Variants in BACH2 observed in about 807,000 individuals in gnomAD.
The protein encoded by BACH2 is transcription regulator protein BACH2.
A neutral mutation model predicts 61.8 loss-of-function variants in BACH2; 5 were observed. That is an observed-to-expected ratio of 0.08 (90% CI 0.04 to 0.17). BACH2 has a LOEUF of 0.17. BACH2 is among the 10% of genes least tolerant of loss of function. The probability of loss-of-function intolerance (pLI) is 1.00; values close to 1 mark genes in which losing one functional copy is unlikely to be tolerated. For missense variants in BACH2, 824 were observed against 1,091.1 expected, an observed-to-expected ratio of 0.76 and a Z score of 3.45; for synonymous variants, 446 against 440.1, an observed-to-expected ratio of 1.01 and a Z score of -0.17.
chr6:90,259,396 C>A (rs1471380118), intron 2 of BACH2, among the ~76,000 whole-genome samples: 1 of 152,088 alleles, frequency 6.6e-6, no homozygotes, highest in African/African-American at 2.4e-5. Flanking sequence ...GATGTTAAAC[C>A]AGCTTTGTAT....
chr6:89,996,874 C>T (rs1004750357), intron 6 of BACH2, among the ~76,000 whole-genome samples: 1 of 152,094 alleles, frequency 6.6e-6, no homozygotes, highest in East Asian at 1.9e-4. Context: ...GGTAATCTTG[C>T]TTTACATTTC....
intron 5 of BACH2, among the ~76,000 whole-genome samples, chr6:90,028,613 T>C (rs946734484): frequency 6.6e-6 from 1 of 152,184 alleles, no homozygotes; most frequent in African/African-American, 2.4e-5. Flanking sequence ...TCTGTAAAGA[T>C]TTCTCATCTG....
intron 5 of BACH2, among the ~76,000 whole-genome samples, chr6:90,065,994 T>C (rs541108970): frequency 2.0e-5 from 3 of 152,328 alleles, no homozygotes; most frequent in African/African-American, 7.2e-5. Flanking sequence ...GGGTAGAATA[T>C]GACAGTTCCC....
intron 6 of BACH2, among the ~76,000 whole-genome samples, chr6:89,998,012 A>C (rs1776944781): frequency 6.6e-6 from 1 of 152,266 alleles, no homozygotes; most frequent in Admixed American, 6.5e-5. Flanking sequence ...GGAAAAAATG[A>C]GTAACAATGA....
intron 5 of BACH2, among the ~76,000 whole-genome samples, chr6:90,028,914 GT>G (rs1158934223): frequency 5.3e-5 from 8 of 152,202 alleles, no homozygotes; most frequent in African/African-American, 1.9e-4. Flanking sequence ...TCATAGAACT[GT>G]GAGGATTAAA....
chr6:90,291,653 T>C (rs570902940), intron 1 of BACH2, among the ~76,000 whole-genome samples: 1 of 150,944 alleles, frequency 6.6e-6, no homozygotes, highest in South Asian at 2.1e-4. Context: ...TTTTGGGCAA[T>C]CTTACTGAGT....
At chr6:90,124,887 C>T (rs1027776120) in intron 4 of BACH2, among the ~76,000 whole-genome samples, 1 of 152,164 alleles carries the variant, frequency 6.6e-6, no homozygotes, top group African/African-American at 2.4e-5. Flanking sequence ...CACACGAATG[C>T]TTGTTCCCTC....
intron 5 of BACH2, among the ~76,000 whole-genome samples, chr6:90,060,500 A>T (rs1780628571): frequency 1.3e-5 from 2 of 152,048 alleles, no homozygotes; most frequent in African/African-American, 4.8e-5. Flanking sequence ...GTGCCTGGTG[A>T]TTGTGAGAGA....
chr6:90,280,238 A>G (rs1360150555), intron 1 of BACH2, among the ~76,000 whole-genome samples: 3 of 152,198 alleles, frequency 2.0e-5, no homozygotes, highest in African/African-American at 7.2e-5. Context: ...TGAATTTTCA[A>G]TGAATATAAA....
At chr6:90,199,431 C>G (rs1024450284) in intron 4 of BACH2, among the ~76,000 whole-genome samples, 10 of 152,328 alleles carry the variant, frequency 6.6e-5, no homozygotes, top group African/African-American at 2.4e-4. Context: ...ACATTATATG[C>G]ATGCACGCAT....
intron 2 of BACH2, among the ~76,000 whole-genome samples, chr6:90,268,867 T>G (rs1364124715): frequency 6.6e-6 from 1 of 152,236 alleles, no homozygotes; most frequent in Middle Eastern, 3.4e-3. Flanking sequence ...AAAAAGATAC[T>G]AAATAGATCA....
Position 90,286,559 on chromosome 6 carries a change from A to G in BACH2, c.-446+9921T>C, listed in dbSNP as rs1472749317. On this transcript the variant is annotated intron_variant, in intron 1 of 8. Transcript: ENST00000257749. ...ATTTATAATCTAAAAAGAAAATGATACTACAATGATAGTTCCAAAACCATT... is the reference window on the plus strand; with the variant it reads ...ATTTATAATCTAAAAAGAAAATGATGCTACAATGATAGTTCCAAAACCATT... Among the ~76,000 whole-genome samples the G allele has an allele frequency of 4.6e-5, 7 of 152,228 alleles. No homozygotes were observed. In the South Asian group the frequency reaches 1.0e-3, roughly 23 times the overall value.
intron 4 of BACH2, among the ~76,000 whole-genome samples, chr6:90,095,195 TA>T (rs2127809540): frequency 6.6e-6 from 1 of 151,720 alleles, no homozygotes; most frequent in East Asian, 2.0e-4. Context: ...CAATTGATGT[TA>T]ATTGTTAATT....
At chr6:90,189,172 A>G (rs1172334560) in intron 4 of BACH2, among the ~76,000 whole-genome samples, 1 of 152,246 alleles carries the variant, frequency 6.6e-6, no homozygotes, top group Non-Finnish European at 1.5e-5. Flanking sequence ...GGAGAGAAGC[A>G]ACAATGTAGG....
chr6:90,182,915 T>G (rs12198807), intron 4 of BACH2, among the ~76,000 whole-genome samples: 1 of 152,224 alleles, frequency 6.6e-6, no homozygotes, highest in African/African-American at 2.4e-5. Flanking sequence ...TTATTTTAGA[T>G]TCAGGGGGCG....
chr6:90,240,364 T>C (rs1434784678), intron 3 of BACH2, among the ~76,000 whole-genome samples: 1 of 152,208 alleles, frequency 6.6e-6, no homozygotes, highest in Admixed American at 6.5e-5. Flanking sequence ...TCAAGTAAAC[T>C]GTCTCAAAAA....
At chr6:90,198,617 C>T (rs1768846367) in intron 4 of BACH2, among the ~76,000 whole-genome samples, 1 of 152,212 alleles carries the variant, frequency 6.6e-6, no homozygotes, top group South Asian at 2.1e-4. Context: ...GGCCACATGA[C>T]CCTTTCACTC....
At chr6:89,977,925 C>G (rs756595678) in intron 6 of BACH2, among the ~76,000 whole-genome samples, 1 of 152,202 alleles carries the variant, frequency 6.6e-6, no homozygotes, top group Non-Finnish European at 1.5e-5. Context: ...TACGCTGGAT[C>G]TATTTTCAGC....
chr6:89,945,053 T>A (rs1347736335), intron 7 of BACH2, among the ~76,000 whole-genome samples: 3 of 152,152 alleles, frequency 2.0e-5, no homozygotes, highest in African/African-American at 7.2e-5. Context: ...AGAAACTGGA[T>A]CCTTGATACA....
Sources: allele counts gnomAD v4.1 joint callset (sites outside exome capture counted in the v4.1 genomes callset), GRCh38; gene constraint gnomAD v4.1.1; transcripts MANE v1.5; gene names NCBI Gene and HGNC (gene_info 2026-07-23, HGNC 2026-07-21).